PRKG1: variants seen among roughly 807,000 people sequenced by gnomAD.
PRKG1 encodes protein kinase cGMP-dependent 1.
PRKG1 carries 35 observed loss-of-function variants against 88.1 expected under a neutral mutation model. The observed-to-expected ratio is 0.40, with a 90% confidence interval of 0.30 to 0.53. The LOEUF is 0.53. Ranked by LOEUF, PRKG1 falls within the 20% of genes least tolerant of loss-of-function variation. PRKG1 has a pLI of 0.59. For missense variants in PRKG1, 540 were observed against 839.8 expected, an observed-to-expected ratio of 0.64 and a Z score of 4.41; for synonymous variants, 303 against 292.5, an observed-to-expected ratio of 1.04 and a Z score of -0.37.
Position 50,991,596 on chromosome 10 carries a change from C to T in PRKG1, c.218C>T (p.Ser73Phe). ...TCGGCCGAGCCGCAGACGTACAGGT[C>T]CTTCCACGACCTCCGACAGGCATTC... Residue 73 changes from serine (S) to phenylalanine (F), a missense_variant, in exon 1 of 18, where the codon TCC (serine) becomes TTC (phenylalanine). Physicochemically the swap from Ser to Phe is radical, Grantham distance 155 (BLOSUM62 -2). Transcript: ENST00000401604. This position sits in a 1 kb window ranked among gnomAD's most constrained non-coding sequence, Gnocchi z 4.5. 6.3e-7 allele frequency: 1 copy of T among 1,582,264 alleles called. No individual in the cohort carries two copies. The highest frequency in any genetic ancestry group is 8.6e-7 in the Non-Finnish European group (1 of 1,165,830).
chr10:51,755,176 C>T (rs1837827211), intron 3 of PRKG1, among the ~76,000 whole-genome samples: 1 of 152,066 alleles, frequency 6.6e-6, no homozygotes, highest in Non-Finnish European at 1.5e-5. Context: ...CTGAAATTTC[C>T]AGCCAATTAG....
chr10:51,269,873 GA>G (rs921389756), intron 2 of PRKG1, among the ~76,000 whole-genome samples: 2 of 152,098 alleles, frequency 1.3e-5, no homozygotes, highest in African/African-American at 2.4e-5. Context: ...AATAAAAAAG[GA>G]ATCAAATGCT....
chr10:51,361,407 C>G (rs1412046599), intron 2 of PRKG1, among the ~76,000 whole-genome samples: 1 of 151,906 alleles, frequency 6.6e-6, no homozygotes, highest in East Asian at 1.9e-4. Flanking sequence ...AATTGACACC[C>G]ACATAAGAGA....
chr10:51,517,088 A>G (rs1413666969), intron 3 of PRKG1, among the ~76,000 whole-genome samples: 1 of 152,154 alleles, frequency 6.6e-6, no homozygotes, highest in Non-Finnish European at 1.5e-5. Flanking sequence ...TAGACTGACA[A>G]ATGACAAATT....
At chr10:51,344,857 C>T (rs369305124) in intron 2 of PRKG1, among the ~76,000 whole-genome samples, 4 of 152,168 alleles carry the variant, frequency 2.6e-5, no homozygotes, top group African/African-American at 4.8e-5. Flanking sequence ...CCTTTGCCCC[C>T]GATGAATTAG....
intron 3 of PRKG1, among the ~76,000 whole-genome samples, chr10:51,561,455 A>G (rs1237582205): frequency 1.3e-5 from 2 of 152,164 alleles, no homozygotes; most frequent in East Asian, 1.9e-4. Context: ...TTTACTGAGG[A>G]CTGTGTGTCA....
At chr10:52,076,951 G>A (rs1846642266) in intron 7 of PRKG1, among the ~76,000 whole-genome samples, 1 of 150,796 alleles carries the variant, frequency 6.6e-6, no homozygotes, top group Non-Finnish European at 1.5e-5. Flanking sequence ...TGGAGAGGAT[G>A]TAGAGTATAA....
intron 16 of PRKG1, among the ~76,000 whole-genome samples, chr10:52,289,785 G>A (rs985583781): frequency 6.6e-6 from 1 of 152,140 alleles, no homozygotes; most frequent in Non-Finnish European, 1.5e-5. Context: ...TGACAATGAT[G>A]TGAAAAGGTT....
At chr10:51,373,921 A>G (rs1449221108) in intron 2 of PRKG1, among the ~76,000 whole-genome samples, 1 of 151,386 alleles carries the variant, frequency 6.6e-6, no homozygotes, top group African/African-American at 2.4e-5. Context: ...AGGCAGGTGT[A>G]TCATGAGGTC....
At chr10:51,420,938 G>T (rs1838394497) in intron 2 of PRKG1, among the ~76,000 whole-genome samples, 1 of 152,094 alleles carries the variant, frequency 6.6e-6, no homozygotes, top group South Asian at 2.1e-4. Flanking sequence ...ACCAGATCTG[G>T]TAAGAACTCA....
intron 3 of PRKG1, among the ~76,000 whole-genome samples, chr10:51,499,804 A>G (rs1005742208): frequency 6.6e-6 from 1 of 152,094 alleles, no homozygotes; most frequent in Non-Finnish European, 1.5e-5. Context: ...TTTTAAAACA[A>G]TGAAACATTA....
intron 4 of PRKG1, among the ~76,000 whole-genome samples, chr10:51,806,641 G>A (rs879875868): frequency 2.0e-5 from 3 of 152,176 alleles, no homozygotes; most frequent in African/African-American, 4.8e-5. Flanking sequence ...GACCATCATT[G>A]CCTGAGGCCA....
chr10:51,089,215 C>T (rs183887001), intron 1 of PRKG1, among the ~76,000 whole-genome samples: 104 of 152,238 alleles, frequency 6.8e-4, no homozygotes, highest in African/African-American at 2.3e-3. Context: ...TAATCCCAAA[C>T]TCTGCAACAT....
chr10:51,244,796 T>A (rs866392379), intron 2 of PRKG1: 1 of 151,888 alleles, frequency 6.6e-6, no homozygotes, highest in Non-Finnish European at 1.5e-5. Flanking sequence ...AGTCACTTAC[T>A]GGAAAAAAAT....
At chr10:52,089,136 G>T (rs1342101348) in intron 7 of PRKG1, among the ~76,000 whole-genome samples, 1 of 152,142 alleles carries the variant, frequency 6.6e-6, no homozygotes, top group Non-Finnish European at 1.5e-5. Context: ...ATTTAATTAA[G>T]TAGGATCGGA....
At chr10:51,762,988 T>G (rs1434893557) in intron 3 of PRKG1, among the ~76,000 whole-genome samples, 1 of 152,222 alleles carries the variant, frequency 6.6e-6, no homozygotes, top group Non-Finnish European at 1.5e-5. Flanking sequence ...TGTCAATGAC[T>G]AGCTATTTTA....
At chr10:51,915,723 T>C (rs888330630) in intron 5 of PRKG1, among the ~76,000 whole-genome samples, 1 of 152,116 alleles carries the variant, frequency 6.6e-6, no homozygotes, top group Non-Finnish European at 1.5e-5. Context: ...GGGACTTGTA[T>C]CCATAATTTT....
chr10:51,303,871 A>T (rs1840960354), intron 2 of PRKG1, among the ~76,000 whole-genome samples: 1 of 152,060 alleles, frequency 6.6e-6, no homozygotes, highest in Admixed American at 6.6e-5. Context: ...CCCAGGCTGG[A>T]GCGCAGTGGT....
intron 2 of PRKG1, among the ~76,000 whole-genome samples, chr10:51,411,103 G>A (rs1300209942): frequency 2.6e-5 from 4 of 151,926 alleles, no homozygotes; most frequent in African/African-American, 7.3e-5. Flanking sequence ...AAGTTCAAGC[G>A]ATTCTCCTGC....
Sources: gnomAD v4.1 joint callset for allele counts (sites outside exome capture counted in the v4.1 genomes callset) on GRCh38, gnomAD v4.1.1 for gene constraint, Gnocchi (gnomAD v3.1) non-coding constraint, MANE v1.5 for transcripts, NCBI Gene and HGNC (gene_info 2026-07-23, HGNC 2026-07-21) for gene names.